SLC24A2: variants seen among roughly 807,000 people sequenced by gnomAD.
SLC24A2 encodes solute carrier family 24 member 2, also known as sodium/potassium/calcium exchanger 2.
Under a neutral mutation model 62.0 loss-of-function variants are expected in SLC24A2, and 36 were observed. That is an observed-to-expected ratio of 0.58 (90% CI 0.44 to 0.77). The LOEUF (loss-of-function observed/expected upper bound fraction) is 0.77, where lower values mean the gene tolerates loss of function less well. Among genes scored for constraint, SLC24A2 ranks in the 30% least tolerant of loss-of-function variants. SLC24A2 has a pLI of 0.00. For synonymous variants in SLC24A2, 358 were observed against 294.0 expected, an observed-to-expected ratio of 1.22 and a Z score of -2.23; for missense variants, 846 against 817.9, an observed-to-expected ratio of 1.03 and a Z score of -0.42.
At chr9:20,146,280 G>T in the SLC24A2 span, among the ~76,000 whole-genome samples, 1 of 152,230 alleles carries the variant, frequency 6.6e-6, no homozygotes, top group South Asian at 2.1e-4. Context: ...GCAAATGTTG[G>T]TAGGTTCTGT....
At chr9:19,724,367 T>C (rs1230647640) in intron 2 of SLC24A2, among the ~76,000 whole-genome samples, 1 of 152,164 alleles carries the variant, frequency 6.6e-6, no homozygotes. Context: ...CATGACACAA[T>C]AAGAGCAAGT....
chr9:19,765,994 C>A (rs549855419), intron 2 of SLC24A2, among the ~76,000 whole-genome samples: 5 of 152,136 alleles, frequency 3.3e-5, no homozygotes, highest in Non-Finnish European at 7.4e-5. Flanking sequence ...TTGTTCATTC[C>A]TTTTCATTCT....
intron 2 of SLC24A2, among the ~76,000 whole-genome samples, chr9:19,752,162 C>T (rs554032765): frequency 7.9e-5 from 12 of 152,110 alleles, no homozygotes; most frequent in South Asian, 2.1e-4. Context: ...GAAATAAGAA[C>T]GGAAACTAGA....
chr9:19,913,043 A>G, the SLC24A2 span, among the ~76,000 whole-genome samples: 1 of 151,872 alleles, frequency 6.6e-6, no homozygotes, highest in African/African-American at 2.4e-5. Context: ...TCTGACAATT[A>G]CCTCTCTAAT....
At chr9:20,084,730 C>T in the SLC24A2 span, among the ~76,000 whole-genome samples, 1 of 152,166 alleles carries the variant, frequency 6.6e-6, no homozygotes, top group East Asian at 1.9e-4. Flanking sequence ...TCATTCAGTT[C>T]AGTTTCTACA....
chr9:20,274,296 G>A, the SLC24A2 span, among the ~76,000 whole-genome samples: 2 of 152,156 alleles, frequency 1.3e-5, no homozygotes, highest in African/African-American at 4.8e-5. Flanking sequence ...GAGTGATTGT[G>A]GAGGAGATCA....
chr9:19,705,015 C>A (rs1430279763), intron 2 of SLC24A2, among the ~76,000 whole-genome samples: 1 of 152,054 alleles, frequency 6.6e-6, no homozygotes, highest in Non-Finnish European at 1.5e-5. Context: ...TGATTCTTTG[C>A]CTGCCTTCTC....
At chr9:19,879,021 C>A in the SLC24A2 span, among the ~76,000 whole-genome samples, 2 of 152,158 alleles carry the variant, frequency 1.3e-5, no homozygotes, top group Non-Finnish European at 2.9e-5. Context: ...TGTACCACCA[C>A]AGGAAAAAAC....
At chr9:19,806,891 C>T in the SLC24A2 span, among the ~76,000 whole-genome samples, 3 of 152,142 alleles carry the variant, frequency 2.0e-5, no homozygotes, top group South Asian at 4.1e-4. Context: ...TTTGCAGATT[C>T]AGTTTTCTCA....
chr9:20,218,127 A>G, the SLC24A2 span, among the ~76,000 whole-genome samples: 36,435 of 152,076 alleles, frequency 0.24, 5,538 homozygotes, highest in East Asian at 0.67. Flanking sequence ...GAGCTTCCAA[A>G]AGGTATAAAA....
chr9:20,238,476 T>C, the SLC24A2 span, among the ~76,000 whole-genome samples: 1 of 151,930 alleles, frequency 6.6e-6, no homozygotes. Flanking sequence ...AGCAAAGGGG[T>C]TCATGCTTTA....
the SLC24A2 span, among the ~76,000 whole-genome samples, chr9:20,210,116 T>A: frequency 1.3e-5 from 2 of 152,160 alleles, no homozygotes; most frequent in Admixed American, 1.3e-4. Flanking sequence ...GAAGTTTACA[T>A]TCACACAGGA....
intron 2 of SLC24A2, among the ~76,000 whole-genome samples, chr9:19,626,712 T>C (rs538697232): frequency 4.6e-5 from 7 of 152,342 alleles, no homozygotes; most frequent in Non-Finnish European, 1.0e-4. Flanking sequence ...CAGGAAGATC[T>C]GGTGAGGAAT....
intron 5 of SLC24A2, among the ~76,000 whole-genome samples, chr9:19,589,719 T>A (rs1478045959): frequency 6.6e-6 from 1 of 152,196 alleles, no homozygotes; most frequent in East Asian, 1.9e-4. Flanking sequence ...AAGCCTTTTA[T>A]TTCAGATGCT....
the SLC24A2 span, among the ~76,000 whole-genome samples, chr9:19,924,076 C>T: frequency 6.6e-6 from 1 of 152,178 alleles, no homozygotes; most frequent in Non-Finnish European, 1.5e-5. Flanking sequence ...ACAGAAATTA[C>T]ACTGTGTTCA....
chr9:20,284,590 G>T, the SLC24A2 span, among the ~76,000 whole-genome samples: 535 of 152,174 alleles, frequency 3.5e-3, 7 homozygotes, highest in African/African-American at 0.012. Context: ...TGCCCAGCAG[G>T]ATTCTAACTA....
At chr9:20,119,818 T>C in the SLC24A2 span, among the ~76,000 whole-genome samples, 3,534 of 152,258 alleles carry the variant, frequency 0.023, 150 homozygotes, top group African/African-American at 0.081. Flanking sequence ...TAAAACTGTG[T>C]TTATTCAGAG....
intron 2 of SLC24A2, among the ~76,000 whole-genome samples, chr9:19,651,974 T>A (rs1818814159): frequency 6.6e-6 from 1 of 152,214 alleles, no homozygotes; most frequent in Admixed American, 6.5e-5. Context: ...TGGGCAGTCC[T>A]CTGTGAGTGA....
intron 2 of SLC24A2, among the ~76,000 whole-genome samples, chr9:19,698,225 C>T (rs1820249185): frequency 1.3e-5 from 2 of 152,150 alleles, no homozygotes; most frequent in Admixed American, 1.3e-4. Flanking sequence ...CACCTGACCT[C>T]ATGTGACAGT....
Sources: gnomAD v4.1 joint callset for allele counts (sites outside exome capture counted in the v4.1 genomes callset) on GRCh38, gnomAD v4.1.1 for gene constraint, MANE v1.5 for transcripts, NCBI Gene and HGNC (gene_info 2026-07-23, HGNC 2026-07-21) for gene names.